CCDC158: variants seen among roughly 807,000 people sequenced by gnomAD.
The protein encoded by CCDC158 is coiled-coil domain-containing protein 158.
In CCDC158, 116 loss-of-function variants were observed where a neutral mutation model predicts 138.6. The ratio of observed to expected loss-of-function variants is 0.84; its 90% CI spans 0.72 to 0.98. CCDC158 has a LOEUF of 0.98. Among genes scored for constraint, CCDC158 ranks in the 50% least tolerant of loss-of-function variants. CCDC158 has a pLI of 0.00. For synonymous variants in CCDC158, 436 were observed against 442.4 expected (o/e 0.99, Z 0.18); for missense variants, 1,265 against 1,306.1 (o/e 0.97, Z 0.48).
In CCDC158 at chr4:76,360,209, T is replaced by A. The variant is rs574355877; in HGVS notation, c.2020+1917A>T. ...GGGCAAGAGTTGAGGCTTGGGAGCCTCCACTTAGATTTCAGAGGATATATG... is the reference window on the plus strand; with the variant it reads ...GGGCAAGAGTTGAGGCTTGGGAGCCACCACTTAGATTTCAGAGGATATATG... On this transcript the variant is annotated intron_variant, in intron 13 of 24. Transcript: ENST00000682701. 1.7e-4 allele frequency among the ~76,000 whole-genome samples: 26 copies of A among 152,306 alleles called. No individual in the cohort carries two copies. In the East Asian group the frequency reaches 4.8e-3, roughly 28 times the overall value.
At chr4:76,400,001 G>C (rs1454409226) in intron 3 of CCDC158, among the ~76,000 whole-genome samples, 2 of 152,174 alleles carry the variant, frequency 1.3e-5, no homozygotes, top group African/African-American at 2.4e-5. Flanking sequence ...GGAGAAAAGA[G>C]AGGACCAGCA....
At chr4:76,371,920 A>G (rs1391002759) in intron 9 of CCDC158, among the ~76,000 whole-genome samples, 1 of 151,616 alleles carries the variant, frequency 6.6e-6, no homozygotes, top group Non-Finnish European at 1.5e-5. Flanking sequence ...CCTGGGTGAC[A>G]AAAGTGAAAC....
intron 14 of CCDC158, among the ~76,000 whole-genome samples, chr4:76,355,864 T>A (rs923104405): frequency 3.3e-5 from 5 of 151,370 alleles, no homozygotes; most frequent in Non-Finnish European, 7.4e-5. Context: ...TAATAATATA[T>A]ATTGTATTAT....
chr4:76,393,213 C>T (rs995288289), intron 4 of CCDC158, among the ~76,000 whole-genome samples: 4 of 152,006 alleles, frequency 2.6e-5, no homozygotes, highest in Non-Finnish European at 5.9e-5. Flanking sequence ...GGGGGAATCA[C>T]ATTACCTGAC....
chr4:76,405,827 T>C (rs1052336518), intron 2 of CCDC158, among the ~76,000 whole-genome samples: 4 of 151,912 alleles, frequency 2.6e-5, no homozygotes, highest in Admixed American at 2.0e-4. Context: ...AGTACAAAAG[T>C]AACCACTAGA....
At chr4:76,344,996 T>G (rs1475708007) in intron 18 of CCDC158, 12 of 1,434,446 alleles carry the variant, frequency 8.4e-6, no homozygotes, top group African/African-American at 2.8e-5. Flanking sequence ...GGTAGATGAC[T>G]TCTTTGAGCA....
chr4:76,370,406 T>C (rs1463175275), intron 10 of CCDC158, among the ~76,000 whole-genome samples: 2 of 152,000 alleles, frequency 1.3e-5, no homozygotes, highest in Admixed American at 6.5e-5. Flanking sequence ...AGAGAAAGGA[T>C]TGGAAAGGTT....
intron 19 of CCDC158, among the ~76,000 whole-genome samples, chr4:76,333,217 A>G (rs1223809789): frequency 6.6e-6 from 1 of 152,178 alleles, no homozygotes; most frequent in Admixed American, 6.5e-5. Flanking sequence ...GTAAATACGA[A>G]TTGGACATCA....
At chr4:76,369,211 T>C (rs997255636) in intron 11 of CCDC158, among the ~76,000 whole-genome samples, 1 of 149,474 alleles carries the variant, frequency 6.7e-6, no homozygotes, top group African/African-American at 2.6e-5. Context: ...GAAGACGCCA[T>C]CTAAAAATAA....
At chr4:76,323,541 G>T in intron 23 of CCDC158, 132 bp from the exon 24 acceptor site, 1 of 609,866 alleles carries the variant, frequency 1.6e-6, no homozygotes, top group Non-Finnish European at 2.8e-6. Flanking sequence ...TTCTAAAAGA[G>T]CTATAACACT....
At chr4:76,393,595 C>T (rs1185457254) in intron 4 of CCDC158, among the ~76,000 whole-genome samples, 2 of 151,990 alleles carry the variant, frequency 1.3e-5, no homozygotes, top group African/African-American at 2.4e-5. Flanking sequence ...GAGTAATACC[C>T]TACATGCACA....
intron 19 of CCDC158, among the ~76,000 whole-genome samples, chr4:76,333,040 C>T (rs531326116): frequency 6.6e-6 from 1 of 152,152 alleles, no homozygotes; most frequent in South Asian, 2.1e-4. Context: ...AATGAAAGTG[C>T]TCTGAAAATG....
chr4:76,415,755 G>A (rs1044143723), intron 1 of CCDC158, among the ~76,000 whole-genome samples: 3 of 152,206 alleles, frequency 2.0e-5, no homozygotes, highest in Admixed American at 6.5e-5. Flanking sequence ...CCCGGACAGG[G>A]CCACCAAAGG....
intron 16 of CCDC158, chr4:76,352,416 A>AATAAG (rs1723136274): frequency 2.6e-5 from 4 of 152,176 alleles, no homozygotes; most frequent in Admixed American, 2.6e-4. Context: ...AAAAAAATAA[A>AATAAG]ATAAAATAAA....
chr4:76,334,838 A>G (rs1265241222), intron 18 of CCDC158, among the ~76,000 whole-genome samples: 1 of 152,208 alleles, frequency 6.6e-6, no homozygotes, highest in African/African-American at 2.4e-5. Context: ...AGTCCATCCC[A>G]CTGAAAAGTT....
chr4:76,382,635 T>A lies in CCDC158; in HGVS notation c.889A>T (p.Ile297Phe). The change falls in exon 8 of 25, where the codon ATC becomes TTC. Residue 297 changes from isoleucine to phenylalanine, a missense_variant. By Grantham distance (21) the Ile-to-Phe change is conservative (BLOSUM62 0). Coordinates refer to ENST00000682701, the MANE Select transcript of CCDC158 (RefSeq NM_001394954.1). The part of the protein sequence containing the change: ...ASSARSQANS[I>F]QSQMEIIQEQ... Reference sequence around the variant, plus strand: ...TGAATGATTTCCATTTGACTCTGGATACTATTGGCTTGGCTTCGAGCACTG... The same window carrying A: ...TGAATGATTTCCATTTGACTCTGGAAACTATTGGCTTGGCTTCGAGCACTG... 1 of 1,611,526 alleles carries A rather than the reference T, an allele frequency of 6.2e-7. No individual in the cohort carries two copies. The highest frequency in any genetic ancestry group is 2.2e-5 in the East Asian group (1 of 44,810).
chr4:76,313,902 A>G (rs1368968783), intron 24 of CCDC158, among the ~76,000 whole-genome samples: 1 of 152,220 alleles, frequency 6.6e-6, no homozygotes, highest in Non-Finnish European at 1.5e-5. Context: ...TTGTAACTGC[A>G]TAGTATTTAC....
chr4:76,371,632 A>G (rs1725250488), intron 9 of CCDC158, 96 bp from the exon 10 acceptor site: 17 of 1,461,790 alleles, frequency 1.2e-5, no homozygotes, highest in Non-Finnish European at 1.4e-5. Context: ...TTATTTTGAG[A>G]ACAAAAATAA....
chr4:76,315,244 C>T (rs1435307134), intron 24 of CCDC158, among the ~76,000 whole-genome samples: 2 of 152,156 alleles, frequency 1.3e-5, no homozygotes, highest in Non-Finnish European at 2.9e-5. Flanking sequence ...GCGTACCCCA[C>T]AGTGGCCACG....
Sources: gnomAD v4.1 joint callset for allele counts (sites outside exome capture counted in the v4.1 genomes callset) on GRCh38, gnomAD v4.1.1 for gene constraint, MANE v1.5 for transcripts, NCBI Gene and HGNC (gene_info 2026-07-23, HGNC 2026-07-21) for gene names.